Variants in SHANK2 observed in about 807,000 individuals in gnomAD.
SHANK2 encodes SH3 and multiple ankyrin repeat domains protein 2.
In SHANK2, 43 loss-of-function variants were observed where a neutral mutation model predicts 133.7. The observed-to-expected ratio is 0.32, with a 90% CI of 0.25 to 0.41. The LOEUF is 0.41. Among genes scored for constraint, SHANK2 ranks in the 10% least tolerant of loss-of-function variants. The pLI is 1.00. For missense variants in SHANK2, 1,994 were observed against 2,235.8 expected (o/e 0.89, Z 2.18); for synonymous variants, 1,017 against 952.8 (o/e 1.07, Z -1.24).
At chr11:70,564,841 A>C (rs188677031) in intron 17 of SHANK2, among the ~76,000 whole-genome samples, 1 of 152,342 alleles carries the variant, frequency 6.6e-6, no homozygotes, top group Non-Finnish European at 1.5e-5. Flanking sequence ...TTGGGTTAAA[A>C]TGTAAAGAAC....
intron 25 of SHANK2, among the ~76,000 whole-genome samples, chr11:70,478,494 A>T (rs1280198078): frequency 6.6e-6 from 1 of 152,236 alleles, no homozygotes; most frequent in African/African-American, 2.4e-5. Context: ...GCATGAAAAT[A>T]GCACTTATTT....
intron 17 of SHANK2, among the ~76,000 whole-genome samples, chr11:70,544,404 T>G (rs1296396893): frequency 2.0e-5 from 3 of 152,198 alleles, no homozygotes; most frequent in Non-Finnish European, 4.4e-5. Flanking sequence ...TTGTTTAGCC[T>G]GGGGTTTGGA....
chr11:70,489,274 A>G, intron 24 of SHANK2, 54 bp downstream of exon 24: 1 of 1,560,388 alleles, frequency 6.4e-7, no homozygotes. Context: ...ACACCTTATA[A>G]AGTAAACTGG....
chr11:70,690,188 C>G (rs782103155), intron 15 of SHANK2, among the ~76,000 whole-genome samples: 5 of 151,842 alleles, frequency 3.3e-5, no homozygotes, highest in East Asian at 1.9e-4. Flanking sequence ...AAGAAGAGGA[C>G]AGATTCCAGT....
chr11:70,943,983 A>G (rs1555084866), intron 10 of SHANK2: 2 of 456,674 alleles, frequency 4.4e-6, no homozygotes, highest in East Asian at 1.4e-4. Flanking sequence ...TCACTCATTT[A>G]TCACACAGCC....
At chr11:70,599,905 GAGAAAGAAAGAA>G (rs201394941) in intron 17 of SHANK2, among the ~76,000 whole-genome samples, 6,616 of 73,372 alleles carry the variant, frequency 0.09, 342 homozygotes, top group South Asian at 0.16. Flanking sequence ...AAGAAAGAAA[GAGAAAGAAAGAA>G]AGAAAGAAAG....
At chr11:70,780,662 C>A (rs1360052246) in intron 14 of SHANK2, among the ~76,000 whole-genome samples, 2 of 151,572 alleles carry the variant, frequency 1.3e-5, no homozygotes, top group Non-Finnish European at 2.9e-5. Context: ...CAACCTCTAC[C>A]TCTGGGTTCA....
intron 9 of SHANK2, among the ~76,000 whole-genome samples, chr11:71,073,147 C>CTTTTCTTTTTTTTTTTTTTTTTTTTT (rs1951166965): frequency 1.6e-5 from 1 of 62,714 alleles, no homozygotes; most frequent in African/African-American, 4.2e-5. Flanking sequence ...TTTTTCTTTT[C>CTTTTCTTTTTTTTTTTTTTTTTTTTT]TTTTTTTTCT....
chr11:70,904,575 T>C (rs1283815454), intron 10 of SHANK2, among the ~76,000 whole-genome samples: 4 of 150,144 alleles, frequency 2.7e-5, no homozygotes, highest in Non-Finnish European at 4.4e-5. Flanking sequence ...TGGTACAATC[T>C]CAGCTCACTG....
chr11:71,099,004 G>A (rs1250326442), intron 6 of SHANK2, among the ~76,000 whole-genome samples: 1 of 152,128 alleles, frequency 6.6e-6, no homozygotes, highest in Admixed American at 6.5e-5. Flanking sequence ...AACAGGACGG[G>A]CCCTCGGCAC....
At chr11:70,857,482 T>C (rs1387226974) in intron 11 of SHANK2, among the ~76,000 whole-genome samples, 1 of 152,152 alleles carries the variant, frequency 6.6e-6, no homozygotes, top group Non-Finnish European at 1.5e-5. Context: ...AACAGATGAC[T>C]GCTGGGTCTT....
In SHANK2 at chr11:70,621,099, C is replaced by G. The variant is rs531224831; in HGVS notation, c.2061+38729G>C. 2.0e-5 allele frequency among the ~76,000 whole-genome samples: 3 copies of G among 152,306 alleles called. No individual in the cohort carries two copies. In the East Asian group the frequency reaches 5.8e-4, roughly 29 times the overall value. On this transcript the variant is annotated intron_variant, in intron 17 of 25. Coordinates refer to ENST00000601538, the MANE Select transcript of SHANK2 (RefSeq NM_012309.5). ...GGGGGCTGAAATGAAAGCTCAGGCA[C>G]CAAGGCACCGGGATCGGGCAGGGTG...
At chr11:70,831,062 G>A (rs1380576429) in intron 11 of SHANK2, among the ~76,000 whole-genome samples, 1 of 152,212 alleles carries the variant, frequency 6.6e-6, no homozygotes, top group Admixed American at 6.5e-5. Context: ...CTGGAAGAGG[G>A]AGAGATTGGA....
intron 22 of SHANK2, among the ~76,000 whole-genome samples, chr11:70,490,856 C>T (rs1344235598): frequency 6.6e-6 from 1 of 152,224 alleles, no homozygotes; most frequent in African/African-American, 2.4e-5. Flanking sequence ...AAATGGGCTC[C>T]TGACACCAGC....
intron 3 of SHANK2, among the ~76,000 whole-genome samples, chr11:71,145,455 A>G (rs1180680640): frequency 6.6e-6 from 1 of 152,224 alleles, no homozygotes; most frequent in East Asian, 1.9e-4. Flanking sequence ...CACTTGGCTG[A>G]GTTCATCCCT....
intron 14 of SHANK2, among the ~76,000 whole-genome samples, chr11:70,755,896 C>T (rs1300271259): frequency 6.6e-6 from 1 of 152,200 alleles, no homozygotes; most frequent in Non-Finnish European, 1.5e-5. Flanking sequence ...TTATTTCCAT[C>T]TTACAGGATG....
chr11:70,703,488 G>GTTAC (rs769231468), intron 14 of SHANK2, among the ~76,000 whole-genome samples: 65 of 152,220 alleles, frequency 4.3e-4, no homozygotes, highest in Non-Finnish European at 7.5e-4. Context: ...TGCCCCCAGT[G>GTTAC]TTACAGTGCA....
At chr11:70,701,365 T>C (rs1174299056) in intron 14 of SHANK2, among the ~76,000 whole-genome samples, 3 of 152,130 alleles carry the variant, frequency 2.0e-5, no homozygotes, top group African/African-American at 7.2e-5. Context: ...TTAAGAACAG[T>C]AAATTCCCCT....
At chr11:70,620,490 G>C (rs1027857539) in intron 17 of SHANK2, among the ~76,000 whole-genome samples, 8 of 152,180 alleles carry the variant, frequency 5.3e-5, no homozygotes. Flanking sequence ...GCAGTTGCCT[G>C]TGGGCCTGGA....
Sources: gnomAD v4.1 joint callset for allele counts (sites outside exome capture counted in the v4.1 genomes callset) on GRCh38, gnomAD v4.1.1 for gene constraint, MANE v1.5 for transcripts, NCBI Gene and HGNC (gene_info 2026-07-23, HGNC 2026-07-21) for gene names.